PLCG2: variants seen among roughly 807,000 people sequenced by gnomAD.
PLCG2 encodes phospholipase C gamma 2.
Under a neutral mutation model 175.6 loss-of-function variants are expected in PLCG2, and 69 were observed. The observed-to-expected ratio is 0.39, with a 90% CI of 0.32 to 0.48. The LOEUF (loss-of-function observed/expected upper bound fraction) is 0.48. PLCG2 is among the 20% of genes least tolerant of loss of function. PLCG2 has a pLI of 0.91. For synonymous variants in PLCG2, 827 were observed against 624.0 expected, an observed-to-expected ratio of 1.33 and a Z score of -4.85; for missense variants, 1,798 against 1,650.9, an observed-to-expected ratio of 1.09 and a Z score of -1.54.
intron 2 of PLCG2, among the ~76,000 whole-genome samples, chr16:81,827,442 G>T (rs1331882505): frequency 6.6e-6 from 1 of 152,002 alleles, no homozygotes; most frequent in African/African-American, 2.4e-5. Flanking sequence ...ACCTGTCTTG[G>T]CTTCCCAAAG....
chr16:81,910,668 G>A lies in PLCG2; in HGVS notation c.1882G>A (p.Glu628Lys), dbSNP rs778265649. The stretch of plus-strand genomic sequence containing the variant: ...GACGCACCTGCGCTGCGCCGAGTTC[G>A]AGCTGCGGCTCACGGACCCTGTGCC... ...RETHLRCAEF[E>K]LRLTDPVPNP... Residue 628 changes from glutamate to lysine, a missense_variant, in exon 18 of 33, where the codon GAG becomes AAG. Physicochemically the swap from Glu to Lys is moderately conservative, Grantham distance 56 (BLOSUM62 1). Transcript: ENST00000564138. The A allele has an allele frequency of 1.2e-6, 2 of 1,613,320 alleles. No homozygotes were observed. Among genetic ancestry groups the A allele is most frequent in the Non-Finnish European group, 8.5e-7 (1 of 1,180,010 alleles).
intron 14 of PLCG2, among the ~76,000 whole-genome samples, chr16:81,901,602 T>C (rs1407622999): frequency 2.0e-5 from 3 of 152,234 alleles, no homozygotes; most frequent in African/African-American, 7.2e-5. Flanking sequence ...AAATTACATC[T>C]TTATTTGTTT....
intron 15 of PLCG2, among the ~76,000 whole-genome samples, chr16:81,905,894 A>G (rs780204282): frequency 4.9e-4 from 75 of 152,224 alleles, no homozygotes; most frequent in Non-Finnish European, 1.0e-3. Context: ...TCCTGGGCTC[A>G]AACAGTCCTC....
intron 2 of PLCG2, among the ~76,000 whole-genome samples, chr16:81,765,545 T>TTC (rs1910130411): frequency 6.6e-6 from 1 of 152,230 alleles, no homozygotes; most frequent in Non-Finnish European, 1.5e-5. Flanking sequence ...GCAGGAGAAT[T>TTC]GCTTGGACCC....
Position 81,798,195 on chromosome 16 carries a change from G to A in PLCG2, c.193+12013G>A, listed in dbSNP as rs554985855. On this transcript the variant is annotated intron_variant, in intron 2 of 32. Transcript: ENST00000564138. ...GGAGCTTACCCCATCAGATCACTGG[G>A]AGGATTCAGTTTGTAAGTGATTGTC... Among the ~76,000 whole-genome samples, 3 of 152,282 alleles carry A rather than the reference G, an allele frequency of 2.0e-5. No individual in the cohort carries two copies. The South Asian group carries it at 6.2e-4, about 32-fold the overall frequency.
chr16:81,875,671 C>T (rs1019579331), intron 7 of PLCG2, among the ~76,000 whole-genome samples: 7 of 152,186 alleles, frequency 4.6e-5, no homozygotes, highest in Non-Finnish European at 1.0e-4. Flanking sequence ...TACCTGGCTA[C>T]GTGACTGCTA....
chr16:81,883,522 G>A (rs1908198657), intron 9 of PLCG2, 181 bp downstream of exon 9: 1 of 605,906 alleles, frequency 1.7e-6, no homozygotes, highest in South Asian at 1.9e-5. Flanking sequence ...ACTTCAGATT[G>A]CTGTCTGATG....
rs894618390 is a variant in PLCG2, at chr16:81,912,865, C to T, written c.2054+149C>T. 6.8e-6 allele frequency: 7 copies of T among 1,021,910 alleles called. No homozygotes were observed. The East Asian group carries it at 8.6e-5, about 13-fold the overall frequency. 63.3% of individuals were successfully genotyped at this position (1,021,910 alleles called of 1,614,324 possible). A position where few individuals can be genotyped will look rare whatever the true frequency, so the allele number is the denominator to read the frequency against. On this transcript the variant is annotated intron_variant, in intron 19 of 32. Transcript: ENST00000564138. ...CAACAACAACCACCACAGCAAAAGC[C>T]GCTGCGAGAATGTGCGCTCCTGCGT...
intron 1 of PLCG2, among the ~76,000 whole-genome samples, chr16:81,784,602 A>C (rs775049700): frequency 1.3e-4 from 20 of 152,206 alleles, no homozygotes; most frequent in Admixed American, 9.2e-4. Context: ...CTTGGAGGGA[A>C]AGGAGGAGAT....
chr16:81,813,673 C>G (rs995246475), intron 2 of PLCG2, among the ~76,000 whole-genome samples: 2 of 152,214 alleles, frequency 1.3e-5, no homozygotes, highest in Non-Finnish European at 1.5e-5. Flanking sequence ...TTGGTGTTGC[C>G]TGGAGTCCCT....
Position 81,846,860 on chromosome 16 carries a change from T to G in PLCG2, c.194-7584T>G, listed in dbSNP as rs146098539. Among the ~76,000 whole-genome samples the G allele has an allele frequency of 1.3e-4, 20 of 152,284 alleles. 1 individual carries two copies. The East Asian group carries it at 3.9e-3, about 29-fold the overall frequency. On this transcript the variant is annotated intron_variant, in intron 2 of 32. Coordinates refer to ENST00000564138, the MANE Select transcript of PLCG2 (RefSeq NM_002661.5). ...TTTTCTCTTTCTCTTTCCTCTTCCC[T>G]CTGTACTCAACACTTTTGACACCAG...
chr16:81,915,220 T>TA (rs1325198520), intron 19 of PLCG2, among the ~76,000 whole-genome samples: 2 of 152,100 alleles, frequency 1.3e-5, no homozygotes, highest in East Asian at 3.9e-4. Flanking sequence ...GACCAGGCAG[T>TA]AGGGGAACAC....
At chr16:81,833,312 G>T (rs942525308) in intron 2 of PLCG2, among the ~76,000 whole-genome samples, 49 of 152,062 alleles carry the variant, frequency 3.2e-4, no homozygotes, top group Non-Finnish European at 4.4e-5. Flanking sequence ...GGAGGACTGG[G>T]GCCTTCTTTC....
Position 81,911,440 on chromosome 16 carries a change from G to C in PLCG2, c.1934+720G>C, listed in dbSNP as rs1909617028. 2.0e-5 allele frequency among the ~76,000 whole-genome samples: 3 copies of C among 152,120 alleles called. No homozygotes were observed. The South Asian group carries it at 6.2e-4, about 31-fold the overall frequency. On this transcript the variant is annotated intron_variant, in intron 18 of 32. Coordinates refer to ENST00000564138, the MANE Select transcript of PLCG2 (RefSeq NM_002661.5). ...GGTTTGGGCTGCTTGGGTGGATGAAGATGAATCAATTTTTTGAGACAAGGT... is the reference window on the plus strand; with the variant it reads ...GGTTTGGGCTGCTTGGGTGGATGAACATGAATCAATTTTTTGAGACAAGGT...
In PLCG2 at chr16:81,919,373, C is replaced by G. The variant is rs1210538559; in HGVS notation, c.2055-111C>G. ...GGAGGACTATACCCTGTTTATTTAC[C>G]CACTTCTCTAAGGCTGGATAACTAG... On this transcript the variant is annotated intron_variant, in intron 19 of 32. Transcript: ENST00000564138. 10 of 754,100 alleles carry G rather than the reference C, an allele frequency of 1.3e-5. No individual in the cohort carries two copies. In the East Asian group the frequency reaches 1.7e-4, roughly 13 times the overall value. 46.7% of individuals were successfully genotyped at this position (754,100 alleles called of 1,614,324 possible). A position where few individuals can be genotyped will look rare whatever the true frequency, so the allele number is the denominator to read the frequency against.
At chr16:81,803,469 A>T (rs1911833786) in intron 2 of PLCG2, among the ~76,000 whole-genome samples, 1 of 151,928 alleles carries the variant, frequency 6.6e-6, no homozygotes, top group Non-Finnish European at 1.5e-5. Flanking sequence ...CACTTGATGG[A>T]CATTTAGGTA....
At chr16:81,873,720 A>C (rs1269355475) in intron 7 of PLCG2, among the ~76,000 whole-genome samples, 1 of 152,186 alleles carries the variant, frequency 6.6e-6, no homozygotes, top group East Asian at 1.9e-4. Flanking sequence ...CTTTGAGCTC[A>C]GGAGTTTGAG....
upstream of PLCG2, among the ~76,000 whole-genome samples, chr16:81,777,665 G>A (rs1449822354): frequency 1.3e-5 from 2 of 151,850 alleles, no homozygotes; most frequent in Admixed American, 6.6e-5. Flanking sequence ...AGTCACAAAC[G>A]AGTCCTATGG....
In PLCG2 at chr16:81,960,043, C is replaced by G. The variant is rs1911724419; in HGVS notation, c.*2045C>G. ...CTGCTGTGTAAAATCCATGCGTGGC[C>G]AAAGAGAAGTCAGGGGATTATGACA... On this transcript the variant is annotated 3_prime_UTR_variant, in exon 33 of 33. Coordinates refer to ENST00000564138, the MANE Select transcript of PLCG2 (RefSeq NM_002661.5). 4.6e-6 allele frequency: 1 copy of G among 217,736 alleles called. No individual in the cohort carries two copies. The allele number at this position is 217,736 out of a possible 1,614,324, so 13.5% of individuals were successfully genotyped here.
Sources: allele counts gnomAD v4.1 joint callset (sites outside exome capture counted in the v4.1 genomes callset), GRCh38; gene constraint gnomAD v4.1.1; transcripts MANE v1.5; gene names NCBI Gene and HGNC (gene_info 2026-07-23, HGNC 2026-07-21).